The following NCKAP5 variants were observed in gnomAD, a reference collection of about 807,000 sequenced individuals.
The protein encoded by NCKAP5 is nck-associated protein 5.
In NCKAP5, 92 loss-of-function variants were observed where a neutral mutation model predicts 167.0. The observed-to-expected ratio is 0.55, with a 90% confidence interval of 0.47 to 0.66. NCKAP5 has a LOEUF of 0.66. NCKAP5 is among the 30% of genes least tolerant of loss of function. The pLI, the probability that NCKAP5 is intolerant of heterozygous loss-of-function variation, is 0.00. For synonymous variants in NCKAP5, 891 were observed against 877.4 expected (o/e 1.02, Z -0.27); for missense variants, 2,378 against 2,315.0 (o/e 1.03, Z -0.56).
At chr2:133,174,131 C>T (rs2150002697) in intron 5 of NCKAP5, among the ~76,000 whole-genome samples, 1 of 152,282 alleles carries the variant, frequency 6.6e-6, no homozygotes, top group South Asian at 2.1e-4. Context: ...GCCATGTCTC[C>T]TTAGTCTCTT....
chr2:132,694,242 A>G (rs1033738929), intron 19 of NCKAP5, among the ~76,000 whole-genome samples: 10 of 152,118 alleles, frequency 6.6e-5, no homozygotes, highest in African/African-American at 1.7e-4. Flanking sequence ...ATTCTCTAAA[A>G]TATTAAAAGA....
chr2:132,838,257 T>G (rs1056170633), intron 11 of NCKAP5, among the ~76,000 whole-genome samples: 2 of 152,196 alleles, frequency 1.3e-5, no homozygotes, highest in African/African-American at 4.8e-5. Flanking sequence ...ATTTGCTCAA[T>G]GCCAATACTT....
intron 5 of NCKAP5, among the ~76,000 whole-genome samples, chr2:133,209,450 TAAAC>T (rs1217109173): frequency 3.4e-5 from 5 of 148,712 alleles, no homozygotes; most frequent in African/African-American, 5.1e-5. Context: ...CAAAATTGAC[TAAAC>T]AAACAAACAA....
At chr2:133,094,124 T>C (rs773804725) in intron 6 of NCKAP5, among the ~76,000 whole-genome samples, 1 of 152,220 alleles carries the variant, frequency 6.6e-6, no homozygotes, top group African/African-American at 2.4e-5. Flanking sequence ...ATTTTAATAT[T>C]GTAACTGTGT....
chr2:132,736,926 T>A (rs1229495125), intron 16 of NCKAP5, among the ~76,000 whole-genome samples: 2 of 152,222 alleles, frequency 1.3e-5, no homozygotes, highest in African/African-American at 4.8e-5. Flanking sequence ...CCAACGGGCT[T>A]CATCCTTGCA....
At chr2:132,973,421 T>C (rs1387787154) in intron 7 of NCKAP5, among the ~76,000 whole-genome samples, 1 of 152,204 alleles carries the variant, frequency 6.6e-6, no homozygotes, top group East Asian at 1.9e-4. Context: ...GCTCTGCCAC[T>C]AGCCAGCTGT....
intron 4 of NCKAP5, among the ~76,000 whole-genome samples, chr2:133,219,925 A>G (rs1250269917): frequency 6.6e-6 from 1 of 152,084 alleles, no homozygotes; most frequent in Non-Finnish European, 1.5e-5. Context: ...ACAGAATCTC[A>G]TTTGTCCTTG....
chr2:132,878,319 CT>C, intron 9 of NCKAP5, among the ~76,000 whole-genome samples: 1 of 152,268 alleles, frequency 6.6e-6, no homozygotes, highest in East Asian at 1.9e-4. Context: ...AATTTTCTTC[CT>C]CATTTCTCTT....
At chr2:132,744,716 T>C (rs762283077) in intron 16 of NCKAP5, among the ~76,000 whole-genome samples, 1 of 150,802 alleles carries the variant, frequency 6.6e-6, no homozygotes, top group African/African-American at 2.4e-5. Context: ...AACCTCCAAC[T>C]AGATTGAGGA....
intron 4 of NCKAP5, among the ~76,000 whole-genome samples, chr2:133,238,457 G>A (rs551966509): frequency 6.6e-6 from 1 of 152,158 alleles, no homozygotes; most frequent in African/African-American, 2.4e-5. Context: ...TCTCAGTCTT[G>A]TGGATGAGAA....
intron 3 of NCKAP5, among the ~76,000 whole-genome samples, chr2:133,367,216 C>T (rs113798341): frequency 6.6e-6 from 1 of 152,178 alleles, no homozygotes; most frequent in Non-Finnish European, 1.5e-5. Context: ...GGGTTACAGA[C>T]CTGACCTCCT....
At chr2:133,284,097 C>T (rs2090021287) in intron 4 of NCKAP5, among the ~76,000 whole-genome samples, 1 of 151,866 alleles carries the variant, frequency 6.6e-6, no homozygotes, top group Non-Finnish European at 1.5e-5. Flanking sequence ...CAGGGTTACT[C>T]TTGTGGTTGC....
At chr2:133,517,678 CA>C in intron 2 of NCKAP5, 91 bp from the exon 3 acceptor site, 1 of 426,546 alleles carries the variant, frequency 2.3e-6, no homozygotes, top group Non-Finnish European at 4.1e-6. Context: ...GCATTGAAGT[CA>C]AAAAATACCC....
chr2:132,715,541 G>A (rs900232016), intron 19 of NCKAP5, among the ~76,000 whole-genome samples: 2 of 152,070 alleles, frequency 1.3e-5, no homozygotes, highest in African/African-American at 4.8e-5. Flanking sequence ...AACTGTCCTT[G>A]GGTAACTTTC....
At chr2:133,474,098 A>G (rs1679604355) in intron 3 of NCKAP5, among the ~76,000 whole-genome samples, 1 of 147,480 alleles carries the variant, frequency 6.8e-6, no homozygotes, top group South Asian at 2.2e-4. Flanking sequence ...AGATGAATGG[A>G]TAAAGAAAAT....
intron 3 of NCKAP5, among the ~76,000 whole-genome samples, chr2:133,367,315 G>T (rs1685515223): frequency 6.6e-6 from 1 of 152,152 alleles, no homozygotes; most frequent in South Asian, 2.1e-4. Flanking sequence ...GTGGGGTGAG[G>T]CAGGACCCAG....
At position 132,706,005 on chromosome 2, in the gene NCKAP5, CAT is replaced by C. The variant is rs144190677; in HGVS notation, c.5713+19620_5713+19621del. 6.3e-3 allele frequency among the ~76,000 whole-genome samples: 958 copies of C among 152,066 alleles called. 11 individuals are homozygous for C. Among genetic ancestry groups the C allele is most frequent in the African/African-American group, 0.022 (921 of 41,464 alleles). On this transcript the variant is annotated intron_variant, in intron 19 of 19. Transcript: ENST00000409261. The stretch of plus-strand genomic sequence containing the variant: ...TAAATAATAAGCATATACATGGAGA[CAT>C]ATATATTTGCATATGTACACAATAT...
chr2:133,558,024 C>CA (rs1687868007), intron 2 of NCKAP5: 2 of 152,228 alleles, frequency 1.3e-5, no homozygotes, highest in South Asian at 4.1e-4. Flanking sequence ...CTTCACTTTG[C>CA]AGATGGGAAC....
Position 132,784,577 on chromosome 2 carries a change from T to C in NCKAP5, c.2234A>G (p.Lys745Arg). The C allele has an allele frequency of 1.9e-6, 3 of 1,588,044 alleles. No homozygotes were observed. Among genetic ancestry groups the C allele is most frequent in the Non-Finnish European group, 2.6e-6 (3 of 1,165,628 alleles). The part of the protein sequence containing the change: ...SEEDTEKNIP[K>R]DNVDNVPRVS... ...CCTGGGAACATTATCTACATTATCT[T>C]TTGGAATGTTTTTCTCAGTGTCCTC... Residue 745 changes from lysine (K) to arginine (R), a missense_variant, in exon 14 of 20, where the codon AAA becomes AGA. Transcript: ENST00000409261.
Sources: gnomAD v4.1 joint callset for allele counts (sites outside exome capture counted in the v4.1 genomes callset) on GRCh38, gnomAD v4.1.1 for gene constraint, MANE v1.5 for transcripts, NCBI Gene and HGNC (gene_info 2026-07-23, HGNC 2026-07-21) for gene names.